CEP295: variants seen among roughly 807,000 people sequenced by gnomAD.
CEP295 encodes the protein centrosomal protein of 295 kDa.
Under a neutral mutation model 291.6 loss-of-function variants are expected in CEP295, and 190 were observed. The observed-to-expected ratio is 0.65, with a 90% CI of 0.58 to 0.73. CEP295 has a LOEUF of 0.73. Ranked by LOEUF, CEP295 falls within the 30% of genes least tolerant of loss-of-function variation. The probability of loss-of-function intolerance (pLI) is 0.00; values close to 1 mark genes in which losing one functional copy is unlikely to be tolerated. For missense variants in CEP295, 2,863 were observed against 2,949.4 expected (o/e 0.97, Z 0.68); for synonymous variants, 993 against 1,038.8 (o/e 0.96, Z 0.85).
intron 1 of CEP295, among the ~76,000 whole-genome samples, chr11:93,665,304 A>C (rs1375052622): frequency 1.3e-5 from 2 of 152,218 alleles, no homozygotes; most frequent in Non-Finnish European, 2.9e-5. Context: ...AAATTATAGA[A>C]CTATAGATTC....
intron 10 of CEP295, among the ~76,000 whole-genome samples, chr11:93,690,290 C>T (rs1434753644): frequency 1.3e-5 from 2 of 152,064 alleles, no homozygotes; most frequent in African/African-American, 4.8e-5. Flanking sequence ...GGTGCGGTGG[C>T]TCATGCCTCT....
rs551430240 is a variant in CEP295 at position 93,666,690 on chromosome 11, T to C, written c.-18T>C. The stretch of plus-strand genomic sequence containing the variant: ...TTCCTTTTTGAATTCAGAACTGTCA[T>C]ACATAAAGTACACAGAAATGAAGAG... On this transcript the variant is annotated 5_prime_UTR_variant, in exon 2 of 30. Transcript: ENST00000325212. 1.5e-6 allele frequency: 2 copies of C among 1,299,666 alleles called. No homozygotes were observed. Among genetic ancestry groups the C allele is most frequent in the African/African-American group, 3.0e-5 (2 of 67,620 alleles). 80.5% of individuals were successfully genotyped at this position (1,299,666 alleles called of 1,614,324 possible).
chr11:93,688,216 C>T (rs1365004058), intron 10 of CEP295, among the ~76,000 whole-genome samples: 1 of 152,144 alleles, frequency 6.6e-6, no homozygotes, highest in African/African-American at 2.4e-5. Context: ...AGGAAGGACT[C>T]TTTAAAGAAT....
At chr11:93,670,932 G>A (rs957685660) in intron 5 of CEP295, among the ~76,000 whole-genome samples, 3 of 152,054 alleles carry the variant, frequency 2.0e-5, no homozygotes, top group African/African-American at 7.2e-5. Context: ...ACCCAGGCTG[G>A]AGTGCAGTGG....
In CEP295 at chr11:93,681,276, G is replaced by A. The variant is rs188001804; in HGVS notation, c.765+1724G>A. ...TTTTGAGACGGAGTCTCACTCTGTC[G>A]CCCAGGCTGGAGTGCAGTGCTGGGA... On this transcript the variant is annotated intron_variant, in intron 7 of 29. Coordinates refer to ENST00000325212, the MANE Select transcript of CEP295 (RefSeq NM_033395.2). 7.6e-4 allele frequency among the ~76,000 whole-genome samples: 113 copies of A among 148,992 alleles called. 1 individual carries two copies. The East Asian group carries it at 0.021, about 28-fold the overall frequency.
chr11:93,698,126 C>G lies in CEP295; in HGVS notation c.3214C>G (p.Gln1072Glu). The change falls in exon 15 of 30, where the codon CAG becomes GAG. Residue 1072 changes from glutamine (Q) to glutamate (E), a missense_variant. This residue lies in a region of CEP295 where 2,295 missense variants were observed against 2,335.7 expected (regional missense o/e 0.98). Coordinates refer to ENST00000325212, the MANE Select transcript of CEP295 (RefSeq NM_033395.2). ...GTTGACTAAACAGAGGGATACTCTT[C>G]AGGCTAGGCATGAAGCTCAGGTGGA... is the stretch of plus-strand genomic sequence containing the variant. ...EQLTKQRDTL[Q>E]ARHEAQVELL... 6.4e-7 allele frequency: 1 copy of G among 1,552,162 alleles called. No individual in the cohort carries two copies. Among genetic ancestry groups the G allele is most frequent in the Non-Finnish European group, 8.7e-7 (1 of 1,147,100 alleles).
chr11:93,665,533 C>A (rs1254585747), intron 1 of CEP295, among the ~76,000 whole-genome samples: 2 of 152,178 alleles, frequency 1.3e-5, no homozygotes, highest in South Asian at 4.2e-4. Flanking sequence ...CATGGTGAAC[C>A]CCTGTCTCTA....
chr11:93,685,538 G>GA (rs148697175), intron 9 of CEP295, among the ~76,000 whole-genome samples: 2,237 of 152,042 alleles, frequency 0.015, 46 homozygotes, highest in African/African-American at 0.051. Flanking sequence ...AGCAACTGGG[G>GA]AAAAAAAAGC....
intron 18 of CEP295, among the ~76,000 whole-genome samples, chr11:93,707,227 G>A (rs1174435916): frequency 6.6e-6 from 1 of 151,886 alleles, no homozygotes; most frequent in Non-Finnish European, 1.5e-5. Context: ...TTCTATCTGT[G>A]GGCATTCTAA....
intron 25 of CEP295, chr11:93,729,186 A>C (rs1023156301): frequency 4.5e-5 from 25 of 554,590 alleles, no homozygotes; most frequent in Non-Finnish European, 7.0e-5. Flanking sequence ...AAAGCTATCT[A>C]AACAGAGGCC....
At chr11:93,665,357 G>A (rs920556882) in intron 1 of CEP295, among the ~76,000 whole-genome samples, 1 of 152,120 alleles carries the variant, frequency 6.6e-6, no homozygotes, top group Non-Finnish European at 1.5e-5. Context: ...CCCCAAATAG[G>A]AGCATGTTAT....
chr11:93,722,144 A>C (rs147108501), intron 20 of CEP295, 94 bp downstream of exon 20: 13 of 739,446 alleles, frequency 1.8e-5, no homozygotes, highest in Non-Finnish European at 3.0e-5. Context: ...TTTTCATGAT[A>C]CACCATGGGG....
At position 93,686,288 on chromosome 11, in the gene CEP295, C is replaced by T. The variant is rs558855068; in HGVS notation, c.1115-1356C>T. 2.1e-3 allele frequency among the ~76,000 whole-genome samples: 322 copies of T among 150,232 alleles called. 2 individuals are homozygous for T. The highest frequency in any genetic ancestry group is 3.5e-3 in the Non-Finnish European group (236 of 67,792). On this transcript the variant is annotated intron_variant, in intron 9 of 29. Transcript: ENST00000325212. Reference sequence around the variant, plus strand: ...GAGCCGAAACCACACCACTGCACTCCAGCCTGGGCAACAAGAGTGAAACTC... The same window carrying T: ...GAGCCGAAACCACACCACTGCACTCTAGCCTGGGCAACAAGAGTGAAACTC...
intron 18 of CEP295, among the ~76,000 whole-genome samples, chr11:93,709,079 C>T (rs1379072057): frequency 6.6e-6 from 1 of 152,054 alleles, no homozygotes; most frequent in Non-Finnish European, 1.5e-5. Context: ...CAAACATTTT[C>T]TCCCATCCTA....
intron 6 of CEP295, among the ~76,000 whole-genome samples, chr11:93,678,045 A>G (rs1293322188): frequency 6.6e-6 from 1 of 152,070 alleles, no homozygotes; most frequent in African/African-American, 2.4e-5. Flanking sequence ...CTTTATTCAT[A>G]TCCTTTATAT....
At chr11:93,693,767 AAAG>A (rs1363860856) in intron 12 of CEP295, among the ~76,000 whole-genome samples, 1 of 152,242 alleles carries the variant, frequency 6.6e-6, no homozygotes, top group Non-Finnish European at 1.5e-5. Context: ...AAAAAGAAAA[AAAG>A]AAAAAAAGAA....
rs745643015 is a variant in CEP295, at chr11:93,698,036, G to A, written c.3124G>A (p.Gly1042Arg). 1.3e-6 allele frequency: 2 copies of A among 1,551,714 alleles called. No homozygotes were observed. Among genetic ancestry groups the A allele is most frequent in the Non-Finnish European group, 1.7e-6 (2 of 1,146,980 alleles). Residue 1042 changes from glycine to arginine, a missense_variant, in exon 15 of 30, where the codon GGG (glycine) becomes AGG (arginine). Physicochemically the swap from Gly to Arg is moderately radical, Grantham distance 125. This residue lies in a region of CEP295 where 2,295 missense variants were observed against 2,335.7 expected (regional missense o/e 0.98). Transcript: ENST00000325212. ...ATCTGACATCCCCATATCTCAGGAT[G>A]GGTCTTTGAGTTTCCTACAGCAGTT... is the stretch of plus-strand genomic sequence containing the variant. ...CQSDIPISQD[G>R]SLSFLQQFLP...
Position 93,697,385 on chromosome 11 carries a change from A to G in CEP295, c.2473A>G (p.Ile825Val), listed in dbSNP as rs377562440. The stretch of plus-strand genomic sequence containing the variant: ...AAGTACAGTTTCCACAAGCCATTCT[A>G]TAATCAGCCAAATGCATGATAGGCC... ...SKSTVSTSHS[I>V]ISQMHDRPLL... Residue 825 changes from isoleucine to valine, a missense_variant, in exon 15 of 30, where the codon ATA becomes GTA. This residue lies in a region of CEP295 where 2,295 missense variants were observed against 2,335.7 expected (regional missense o/e 0.98). Transcript: ENST00000325212. 22 of 1,552,062 alleles carry G rather than the reference A, an allele frequency of 1.4e-5. No homozygotes were observed. The highest frequency in any genetic ancestry group is 1.1e-4 in the African/African-American group (8 of 73,058).
intron 1 of CEP295, among the ~76,000 whole-genome samples, chr11:93,664,392 A>G (rs1283452793): frequency 6.6e-6 from 1 of 152,254 alleles, no homozygotes; most frequent in African/African-American, 2.4e-5. Context: ...ACTCAGGGAA[A>G]GTCCTTTAAC....
Sources: allele counts gnomAD v4.1 joint callset (sites outside exome capture counted in the v4.1 genomes callset), GRCh38; gene constraint gnomAD v4.1.1; regional missense constraint gnomAD v4.1.1; transcripts MANE v1.5; gene names NCBI Gene and HGNC (gene_info 2026-07-23, HGNC 2026-07-21).